ZBTB46: variants seen among roughly 807,000 people sequenced by gnomAD.
The protein encoded by ZBTB46 is zinc finger and BTB domain-containing protein 46.
Under a neutral mutation model 44.1 loss-of-function variants are expected in ZBTB46, and 8 were observed. The observed-to-expected ratio is 0.18, with a 90% confidence interval of 0.11 to 0.33. The LOEUF (loss-of-function observed/expected upper bound fraction) is 0.33. Among genes scored for constraint, ZBTB46 ranks in the 10% least tolerant of loss-of-function variants. The probability of loss-of-function intolerance (pLI) is 1.00; values close to 1 mark genes in which losing one functional copy is unlikely to be tolerated. For missense variants in ZBTB46, 651 were observed against 847.7 expected (o/e 0.77, Z 2.88); for synonymous variants, 409 against 382.3 (o/e 1.07, Z -0.81).
chr20:63,783,635 A>T (rs1355016886), intron 2 of ZBTB46, among the ~76,000 whole-genome samples: 1 of 152,208 alleles, frequency 6.6e-6, no homozygotes, highest in Non-Finnish European at 1.5e-5. Flanking sequence ...CATCTAGAGA[A>T]GGCGCAGCTG....
At chr20:63,773,182 GA>G (rs750988979) in intron 3 of ZBTB46, among the ~76,000 whole-genome samples, 1 of 147,180 alleles carries the variant, frequency 6.8e-6, no homozygotes, top group Non-Finnish European at 1.5e-5. Context: ...GTCAGACGCA[GA>G]AACAGTAGAA....
At chr20:63,830,598 T>C (rs1233557148) in intron 1 of ZBTB46, among the ~76,000 whole-genome samples, 2 of 149,466 alleles carry the variant, frequency 1.3e-5, no homozygotes, top group Non-Finnish European at 3.0e-5. Flanking sequence ...CGCGGGCGGC[T>C]CCGGGTGCGG....
At chr20:63,770,020 G>A (rs185049688) in intron 3 of ZBTB46, among the ~76,000 whole-genome samples, 8 of 152,300 alleles carry the variant, frequency 5.3e-5, no homozygotes, top group South Asian at 4.1e-4. Context: ...CACGGGAGGC[G>A]GCACCGCACC....
chr20:63,750,807 G>A (rs2092152944), intron 4 of ZBTB46, among the ~76,000 whole-genome samples: 1 of 152,076 alleles, frequency 6.6e-6, no homozygotes. Context: ...GGAGGCTGAG[G>A]TGGGAGGATC....
intron 1 of ZBTB46, among the ~76,000 whole-genome samples, chr20:63,797,847 GTTGT>G (rs1274266738): frequency 6.6e-6 from 1 of 152,156 alleles, no homozygotes; most frequent in Non-Finnish European, 1.5e-5. Context: ...TTTTGATGGG[GTTGT>G]TTGATTTTTT....
At chr20:63,779,406 A>ATTTT (rs59166121) in intron 2 of ZBTB46, among the ~76,000 whole-genome samples, 28 of 105,554 alleles carry the variant, frequency 2.7e-4, no homozygotes, top group African/African-American at 7.2e-4. Context: ...ACGCCGGCTA[A>ATTTT]TTTTTTTTTT....
rs2092788326 is a variant in ZBTB46 at position 63,820,899 on chromosome 20, T to C, written c.-34+10198A>G. Among the ~76,000 whole-genome samples the C allele has an allele frequency of 2.0e-5, 3 of 151,204 alleles. No homozygotes were observed. The South Asian group carries it at 6.3e-4, about 32-fold the overall frequency. Reference sequence around the variant, plus strand: ...GTCTGCCCCCATGCATGGCTAATTTTTTTTTTTTTTTAGATGGAGTTTCGC... The same window carrying C: ...GTCTGCCCCCATGCATGGCTAATTTCTTTTTTTTTTTAGATGGAGTTTCGC... On this transcript the variant is annotated intron_variant, in intron 1 of 4. Coordinates refer to ENST00000245663, the MANE Select transcript of ZBTB46 (RefSeq NM_001369741.1).
chr20:63,808,812 A>G (rs2092698924), intron 1 of ZBTB46, among the ~76,000 whole-genome samples: 2 of 151,658 alleles, frequency 1.3e-5, no homozygotes, highest in African/African-American at 4.8e-5. Flanking sequence ...GTCTCTACTA[A>G]AAAATACAAA....
chr20:63,763,694 A>G (rs191537442), intron 3 of ZBTB46, among the ~76,000 whole-genome samples: 6 of 152,356 alleles, frequency 3.9e-5, no homozygotes, highest in Admixed American at 3.9e-4. Flanking sequence ...GGGTGGGGAC[A>G]GAGATCCAAA....
chr20:63,773,792 G>A (rs1004870383), intron 3 of ZBTB46, among the ~76,000 whole-genome samples: 7 of 152,150 alleles, frequency 4.6e-5, no homozygotes, highest in South Asian at 4.1e-4. Flanking sequence ...TGACGCCCAC[G>A]AAACGTGCCC....
intron 1 of ZBTB46, among the ~76,000 whole-genome samples, chr20:63,823,888 G>GTGTGTGTGTGTGTGTT (rs1414023978): frequency 6.6e-6 from 1 of 151,552 alleles, no homozygotes; most frequent in South Asian, 2.1e-4. Context: ...GTGTGTGTGT[G>GTGTGTGTGTGTGTGTT]TTCTTTGGGA....
At chr20:63,816,221 AGAG>A (rs991775626) in intron 1 of ZBTB46, 86 of 236,416 alleles carry the variant, frequency 3.6e-4, no homozygotes, top group African/African-American at 1.8e-3. Flanking sequence ...GGGGGTGCCC[AGAG>A]GAGGGCCCGA....
intron 1 of ZBTB46, among the ~76,000 whole-genome samples, chr20:63,794,117 C>T (rs1229796115): frequency 1.3e-5 from 2 of 149,578 alleles, no homozygotes; most frequent in Admixed American, 6.7e-5. Context: ...ACCCGGGAGG[C>T]GGAGCTTGCA....
chr20:63,798,390 G>A (rs936189206), intron 1 of ZBTB46, among the ~76,000 whole-genome samples: 3 of 151,886 alleles, frequency 2.0e-5, no homozygotes, highest in South Asian at 4.1e-4. Flanking sequence ...TTAGCTGGGC[G>A]TTGGCCGCGC....
chr20:63,752,669 A>C lies in ZBTB46; in HGVS notation c.1398+17T>G. On this transcript the variant is annotated intron_variant, in intron 4 of 4. Coordinates refer to ENST00000245663, the MANE Select transcript of ZBTB46 (RefSeq NM_001369741.1). This position sits in a 1 kb window ranked among gnomAD's most constrained non-coding sequence, Gnocchi z 5.6. ...GCCACGCGCAGCGCGCGGCACGCGG[A>C]CCCTCCCCGCACTCACCAGCGTGTG... 6.5e-7 allele frequency: 1 copy of C among 1,529,208 alleles called. No homozygotes were observed. Among genetic ancestry groups the C allele is most frequent in the South Asian group, 1.2e-5 (1 of 82,624 alleles). 94.7% of individuals were successfully genotyped at this position (1,529,208 alleles called of 1,614,324 possible). A position where few individuals can be genotyped will look rare whatever the true frequency, so the allele number is the denominator to read the frequency against.
chr20:63,824,397 G>A (rs898196402), intron 1 of ZBTB46, among the ~76,000 whole-genome samples: 3 of 152,122 alleles, frequency 2.0e-5, no homozygotes, highest in African/African-American at 4.8e-5. Flanking sequence ...GGCATGGAAA[G>A]AGAACACCCA....
At chr20:63,815,997 C>T (rs1422903314) in intron 1 of ZBTB46, among the ~76,000 whole-genome samples, 6 of 109,252 alleles carry the variant, frequency 5.5e-5, no homozygotes, top group Admixed American at 1.9e-4. Flanking sequence ...GTGCAGTGGG[C>T]ACAGGTGGGC....
At position 63,746,900 on chromosome 20, in the gene ZBTB46, G is replaced by T. The variant is rs1244125802; in HGVS notation, c.*30C>A. ...ACACACACACGGGTGGACGGAGCGA[G>T]GCAGCCACCGACCCTGCCGGCGGGC... is the stretch of plus-strand genomic sequence containing the variant. On this transcript the variant is annotated 3_prime_UTR_variant, in exon 5 of 5. Transcript: ENST00000245663. The T allele has an allele frequency of 2.0e-6, 3 of 1,494,350 alleles. No homozygotes were observed. Among genetic ancestry groups the T allele is most frequent in the African/African-American group, 1.4e-5 (1 of 72,258 alleles). The allele number at this position is 1,494,350 out of a possible 1,614,324, so 92.6% of individuals were successfully genotyped here.
chr20:63,815,734 G>A (rs1330269006), intron 1 of ZBTB46, among the ~76,000 whole-genome samples: 3 of 149,450 alleles, frequency 2.0e-5, no homozygotes, highest in Non-Finnish European at 4.4e-5. Flanking sequence ...AGGTGCAGTA[G>A]GTGCAGGTGA....
Sources: gnomAD v4.1 joint callset for allele counts (sites outside exome capture counted in the v4.1 genomes callset) on GRCh38, gnomAD v4.1.1 for gene constraint, Gnocchi (gnomAD v3.1) non-coding constraint, MANE v1.5 for transcripts, NCBI Gene and HGNC (gene_info 2026-07-23, HGNC 2026-07-21) for gene names.